Variants in DPH6 observed in about 807,000 individuals in gnomAD.
DPH6 encodes the protein diphthine--ammonia ligase.
In DPH6, 33 loss-of-function variants were observed where a neutral mutation model predicts 38.2. That is an observed-to-expected ratio of 0.86 (90% CI 0.65 to 1.15). The LOEUF is 1.15. DPH6 is among the 50% of genes most tolerant of loss of function. The pLI, the probability that DPH6 is intolerant of heterozygous loss-of-function variation, is 0.00. For synonymous variants in DPH6, 108 were observed against 103.0 expected, an observed-to-expected ratio of 1.05 and a Z score of -0.30; for missense variants, 325 against 320.0, an observed-to-expected ratio of 1.02 and a Z score of -0.12.
At chr15:35,147,548 C>T in the DPH6 span, among the ~76,000 whole-genome samples, 11 of 152,012 alleles carry the variant, frequency 7.2e-5, no homozygotes, top group East Asian at 3.9e-4. Flanking sequence ...GTGGCCTGGT[C>T]GGTGATAGCA....
At chr15:35,331,745 T>C (rs952878727) in intron 3 of DPH6, among the ~76,000 whole-genome samples, 3 of 152,198 alleles carry the variant, frequency 2.0e-5, no homozygotes, top group Non-Finnish European at 4.4e-5. Context: ...CTCTGTAGAA[T>C]GTGCCCTAAA....
At chr15:35,465,003 A>C (rs896137091) in intron 3 of DPH6, among the ~76,000 whole-genome samples, 2 of 152,250 alleles carry the variant, frequency 1.3e-5, no homozygotes, top group Admixed American at 1.3e-4. Context: ...AAGGAATTAA[A>C]GGTAGAAATC....
intron 3 of DPH6, among the ~76,000 whole-genome samples, chr15:35,228,033 G>T (rs997902669): frequency 1.3e-5 from 2 of 151,970 alleles, no homozygotes; most frequent in African/African-American, 4.8e-5. Flanking sequence ...CTTATTTTAT[G>T]ACCTAATATA....
chr15:35,219,554 G>A (rs894678657), exon 4 of DPH6: 3 of 152,044 alleles, frequency 2.0e-5, no homozygotes, highest in Non-Finnish European at 4.4e-5. Context: ...CCATTTTCAC[G>A]CAGCCTAGTG....
At chr15:35,168,681 T>A in the DPH6 span, among the ~76,000 whole-genome samples, 1 of 152,102 alleles carries the variant, frequency 6.6e-6, no homozygotes, top group Non-Finnish European at 1.5e-5. Context: ...AAAATTTTTT[T>A]AAACAAAATG....
At chr15:35,163,611 G>C in the DPH6 span, among the ~76,000 whole-genome samples, 5 of 151,748 alleles carry the variant, frequency 3.3e-5, no homozygotes, top group Non-Finnish European at 7.4e-5. Context: ...TACATCTCTG[G>C]GCACTGACTG....
At chr15:35,323,158 TGGATTTTTAAAAACTTAA>T (rs2052254789) in intron 3 of DPH6, among the ~76,000 whole-genome samples, 1 of 152,172 alleles carries the variant, frequency 6.6e-6, no homozygotes, top group Non-Finnish European at 1.5e-5. Context: ...GTAATTAAAT[TGGATTTTTAAAAACTTAA>T]GGTCAAATTC....
At chr15:35,447,519 T>A (rs1356651683) in intron 5 of DPH6, among the ~76,000 whole-genome samples, 2 of 152,076 alleles carry the variant, frequency 1.3e-5, no homozygotes, top group Non-Finnish European at 2.9e-5. Context: ...AACGGTTGTA[T>A]TATAAACCCA....
At chr15:35,346,649 A>C (rs2052464148) in intron 3 of DPH6, among the ~76,000 whole-genome samples, 1 of 151,650 alleles carries the variant, frequency 6.6e-6, no homozygotes, top group Non-Finnish European at 1.5e-5. Flanking sequence ...TTATTTCCTT[A>C]TCTGTTTCTT....
At position 35,311,608 on chromosome 15, in the gene DPH6, G is replaced by A. The variant is rs575769190; in HGVS notation, n.200+61913C>T. ...AAAAAAAGACATACACACAGAGAGC[G>A]AGAGAGACAGGAATGGCATTAAGAT... On this transcript the variant is annotated intron_variant and non_coding_transcript_variant, in intron 3 of 3. Coordinates refer to the DPH6 transcript ENST00000560386. 6.6e-5 allele frequency among the ~76,000 whole-genome samples: 10 copies of A among 152,284 alleles called. No homozygotes were observed. In the South Asian group the frequency reaches 8.3e-4, roughly 13 times the overall value.
chr15:35,150,555 C>T, the DPH6 span, among the ~76,000 whole-genome samples: 2 of 152,138 alleles, frequency 1.3e-5, no homozygotes, highest in Admixed American at 6.5e-5. Context: ...AACAAATATA[C>T]GTCTGGAAGG....
At chr15:35,422,656 T>C (rs939681184) in intron 5 of DPH6, among the ~76,000 whole-genome samples, 1 of 151,894 alleles carries the variant, frequency 6.6e-6, no homozygotes, top group African/African-American at 2.4e-5. Flanking sequence ...TGTTGTACAT[T>C]AGATCTCCAG....
chr15:35,537,367 T>A (rs1018792491), intron 3 of DPH6, among the ~76,000 whole-genome samples: 1 of 152,150 alleles, frequency 6.6e-6, no homozygotes, highest in Non-Finnish European at 1.5e-5. Flanking sequence ...AAATACTGGC[T>A]TGAATTCCCT....
At chr15:35,303,111 A>C (rs1435785802) in intron 3 of DPH6, among the ~76,000 whole-genome samples, 1 of 152,082 alleles carries the variant, frequency 6.6e-6, no homozygotes, top group Non-Finnish European at 1.5e-5. Flanking sequence ...TCTCTTACAC[A>C]GCAGTTAGAA....
chr15:35,215,667 C>A (rs2051407738), downstream of DPH6, among the ~76,000 whole-genome samples: 1 of 152,216 alleles, frequency 6.6e-6, no homozygotes, highest in South Asian at 2.1e-4. Context: ...CCACTACACC[C>A]AGCTGAAAAT....
intron 5 of DPH6, among the ~76,000 whole-genome samples, chr15:35,446,015 C>T (rs901610090): frequency 5.9e-5 from 9 of 152,046 alleles, no homozygotes; most frequent in South Asian, 2.1e-4. Flanking sequence ...GGGACCCATA[C>T]GAACTGCCAC....
chr15:35,196,203 G>A, the DPH6 span, among the ~76,000 whole-genome samples: 6 of 152,170 alleles, frequency 3.9e-5, no homozygotes, highest in Non-Finnish European at 7.3e-5. Context: ...TGATAACATT[G>A]TGCTATGCTA....
intron 4 of DPH6, among the ~76,000 whole-genome samples, chr15:35,453,757 C>T (rs1439368131): frequency 6.6e-6 from 1 of 151,200 alleles, no homozygotes; most frequent in African/African-American, 2.4e-5. Context: ...TTTTTAACTG[C>T]CCTAAATCCA....
chr15:35,253,982 G>A (rs149770579), intron 3 of DPH6, among the ~76,000 whole-genome samples: 37 of 152,262 alleles, frequency 2.4e-4, no homozygotes, highest in African/African-American at 7.9e-4. Context: ...AAGAATTTAC[G>A]TTTTGAATAA....
Sources: gnomAD v4.1 joint callset for allele counts (sites outside exome capture counted in the v4.1 genomes callset) on GRCh38, gnomAD v4.1.1 for gene constraint, MANE v1.5 for transcripts, NCBI Gene and HGNC (gene_info 2026-07-23, HGNC 2026-07-21) for gene names.